NCBP1: variants seen among roughly 807,000 people sequenced by gnomAD.
NCBP1 encodes the protein nuclear cap-binding protein subunit 1.
NCBP1 carries 16 observed loss-of-function variants against 111.7 expected under a neutral mutation model. That is an observed-to-expected ratio of 0.14 (90% confidence interval 0.10 to 0.22). The LOEUF is 0.22. Ranked by LOEUF, NCBP1 falls within the 10% of genes least tolerant of loss-of-function variation. The pLI is 1.00. For missense variants in NCBP1, 607 were observed against 957.5 expected (o/e 0.63, Z 4.83); for synonymous variants, 304 against 314.3 (o/e 0.97, Z 0.35).
intron 2 of NCBP1, 72 bp downstream of exon 2, chr9:97,640,954 C>A: frequency 1.7e-6 from 2 of 1,197,750 alleles, no homozygotes; most frequent in Non-Finnish European, 2.3e-6. Context: ...TTAATTTTTG[C>A]AGCTGAAAAG....
In NCBP1 at chr9:97,662,062, C is replaced by A. The variant is rs749934747; in HGVS notation, c.1621C>A (p.Pro541Thr). 1 of 1,613,090 alleles carries A rather than the reference C, an allele frequency of 6.2e-7. No homozygotes were observed. The highest frequency in any genetic ancestry group is 1.7e-5 in the Admixed American group (1 of 59,998). The change falls in exon 17 of 23, where the codon CCA (proline) becomes ACA (threonine). Residue 541 changes from proline (P) to threonine (T), a missense_variant. Pro to Thr is a conservative substitution (Grantham distance 38, BLOSUM62 -1). Transcript: ENST00000375147. The stretch of plus-strand genomic sequence containing the variant: ...TTCAGATGAAGGATTCAGTTTTAAC[C>A]CATTGAAAATAGAAGTCTTTGTACA... ...DDDDEGFSFN[P>T]LKIEVFVQTL...
At chr9:97,641,380 AATG>A (rs1413211873) in intron 2 of NCBP1, among the ~76,000 whole-genome samples, 179 bp from the exon 3 acceptor site, 1 of 152,166 alleles carries the variant, frequency 6.6e-6, no homozygotes, top group East Asian at 1.9e-4. Flanking sequence ...AGACTATTTT[AATG>A]ATCATGCAGA....
chr9:97,651,449 CTTATTTAT>C (rs925940251), intron 10 of NCBP1, 76 bp downstream of exon 10: 12 of 1,272,472 alleles, frequency 9.4e-6, no homozygotes, highest in South Asian at 2.7e-5. Flanking sequence ...CTACTCTTGG[CTTATTTAT>C]TTATTTATTT....
chr9:97,633,901 G>T lies in NCBP1; in HGVS notation c.20G>T (p.Ser7Ile). Residue 7 changes from serine to isoleucine, a missense_variant, in exon 1 of 23, where the codon AGC (serine) becomes ATC (isoleucine). Ser to Ile is a moderately radical substitution (Grantham distance 142, BLOSUM62 -2). Transcript: ENST00000375147. ...GGCAGCATGTCGCGGCGGCGGCACA[G>T]CGACGAGAACGACGGTGAGTGCCTG... MSRRRH[S>I]DENDGGQPHK... The T allele has an allele frequency of 6.3e-7, 1 of 1,589,890 alleles. No individual in the cohort carries two copies. The highest frequency in any genetic ancestry group is 1.1e-5 in the South Asian group (1 of 88,994).
At chr9:97,640,173 G>C (rs368326155) in intron 1 of NCBP1, among the ~76,000 whole-genome samples, 1 of 152,106 alleles carries the variant, frequency 6.6e-6, no homozygotes, top group Admixed American at 6.6e-5. Context: ...ATTGTTAATT[G>C]AAGACTTGAG....
At chr9:97,634,218 G>A (rs1826925207) in intron 1 of NCBP1, among the ~76,000 whole-genome samples, 1 of 152,222 alleles carries the variant, frequency 6.6e-6, no homozygotes, top group South Asian at 2.1e-4. Flanking sequence ...ACGGAGCAGG[G>A]AAGCACACCT....
At chr9:97,662,244 C>G in intron 17 of NCBP1, 100 bp downstream of exon 17, 1 of 859,644 alleles carries the variant, frequency 1.2e-6, no homozygotes, top group Non-Finnish European at 1.9e-6. Flanking sequence ...ATATGAAGAT[C>G]TTAATAGTGT....
chr9:97,660,140 T>C (rs1453736604), intron 15 of NCBP1, among the ~76,000 whole-genome samples: 1 of 152,230 alleles, frequency 6.6e-6, no homozygotes, highest in Non-Finnish European at 1.5e-5. Context: ...GGATTCTGTT[T>C]TTCTTCGCCT....
chr9:97,652,585 A>G (rs1827528995), intron 10 of NCBP1, among the ~76,000 whole-genome samples: 1 of 152,206 alleles, frequency 6.6e-6, no homozygotes, highest in Non-Finnish European at 1.5e-5. Context: ...GTGCCTCTGC[A>G]CTCCAGCCTG....
chr9:97,651,449 C>A, intron 10 of NCBP1, 76 bp downstream of exon 10: 1 of 1,272,498 alleles, frequency 7.9e-7, no homozygotes, highest in Non-Finnish European at 1.1e-6. Flanking sequence ...CTACTCTTGG[C>A]TTATTTATTT....
At chr9:97,663,698 TG>T (rs1292436735) in intron 18 of NCBP1, among the ~76,000 whole-genome samples, 1 of 151,796 alleles carries the variant, frequency 6.6e-6, no homozygotes, top group African/African-American at 2.4e-5. Flanking sequence ...TTGGCCAGGC[TG>T]GTCTGGAACT....
chr9:97,661,465 T>C (rs1201647627), intron 16 of NCBP1, among the ~76,000 whole-genome samples: 1 of 152,180 alleles, frequency 6.6e-6, no homozygotes, highest in Non-Finnish European at 1.5e-5. Flanking sequence ...CCAACCAGAA[T>C]CCTAGGAGTT....
At chr9:97,656,209 TAATC>T (rs1490978592) in intron 14 of NCBP1, 124 bp downstream of exon 14, 3 of 798,968 alleles carry the variant, frequency 3.8e-6, no homozygotes, top group Non-Finnish European at 5.9e-6. Context: ...ATCCCATTTT[TAATC>T]AAGACTTAGG....
chr9:97,670,175 A>G (rs562613674), intron 22 of NCBP1: 4 of 230,612 alleles, frequency 1.7e-5, no homozygotes, highest in Non-Finnish European at 3.5e-5. Flanking sequence ...TCCGCCTCCC[A>G]AAGTGCTGCT....
chr9:97,634,342 T>G (rs771305695), intron 1 of NCBP1, among the ~76,000 whole-genome samples: 1 of 152,224 alleles, frequency 6.6e-6, no homozygotes, highest in Non-Finnish European at 1.5e-5. Flanking sequence ...GACTGAGAGA[T>G]CTCATGAGTT....
chr9:97,640,007 A>G (rs1355472518), intron 1 of NCBP1, among the ~76,000 whole-genome samples: 1 of 152,224 alleles, frequency 6.6e-6, no homozygotes, highest in Non-Finnish European at 1.5e-5. Context: ...AGTTAATAAA[A>G]GCTAGTTAAA....
At chr9:97,640,642 G>C in intron 1 of NCBP1, 152 bp from the exon 2 acceptor site, 3 of 584,380 alleles carry the variant, frequency 5.1e-6, no homozygotes, top group Non-Finnish European at 9.0e-6. Context: ...GGTTAATCTA[G>C]CTTAGTCTGA....
intron 1 of NCBP1, among the ~76,000 whole-genome samples, chr9:97,640,033 CGTG>C (rs1035498963): frequency 7.2e-5 from 11 of 152,142 alleles, no homozygotes; most frequent in African/African-American, 1.9e-4. Context: ...AATTGTAAAA[CGTG>C]GTCCTTTTTT....
chr9:97,660,742 C>G (rs1246208655), intron 15 of NCBP1, among the ~76,000 whole-genome samples: 1 of 152,098 alleles, frequency 6.6e-6, no homozygotes. Flanking sequence ...AGAATTGTCC[C>G]TTTTTAGGTG....
Sources: allele counts gnomAD v4.1 joint callset (sites outside exome capture counted in the v4.1 genomes callset), GRCh38; gene constraint gnomAD v4.1.1; transcripts MANE v1.5; gene names NCBI Gene and HGNC (gene_info 2026-07-23, HGNC 2026-07-21).